The following KLF7 variants were observed in gnomAD, a reference collection of about 807,000 sequenced individuals.
KLF7 encodes Krueppel-like factor 7.
Under a neutral mutation model 27.3 loss-of-function variants are expected in KLF7, and 2 were observed. The ratio of observed to expected loss-of-function variants is 0.07; its 90% confidence interval spans 0.03 to 0.23. The LOEUF is 0.23. Among genes scored for constraint, KLF7 ranks in the 10% least tolerant of loss-of-function variants. The pLI is 1.00. For synonymous variants in KLF7, 165 were observed against 162.4 expected, an observed-to-expected ratio of 1.02 and a Z score of -0.12; for missense variants, 221 against 394.1, an observed-to-expected ratio of 0.56 and a Z score of 3.72.
rs59847589 is a variant in KLF7, at chr2:207,081,061, ATG to A, written c.*150_*151del. The A allele has an allele frequency of 0.013, 8,075 of 641,436 alleles. 2 individuals are homozygous for A. Among genetic ancestry groups the A allele is most frequent in the East Asian group, 0.037 (1,168 of 31,986 alleles). 39.7% of individuals were successfully genotyped at this position (641,436 alleles called of 1,614,324 possible). ...TGTGTGGGTCTGTGAGTGTGTGTAT[ATG>A]TGTGTGTGTGTGTGTGTGTGTACAG... On this transcript the variant is annotated 3_prime_UTR_variant, in exon 4 of 4. Transcript: ENST00000309446.
intron 1 of KLF7, among the ~76,000 whole-genome samples, chr2:207,129,309 C>T (rs745950904): frequency 9.2e-5 from 14 of 152,204 alleles, no homozygotes; most frequent in Non-Finnish European, 1.6e-4. Context: ...GCACTCACCT[C>T]GGAGGTACAA....
At chr2:207,103,695 T>A (rs2076817651) in intron 2 of KLF7, among the ~76,000 whole-genome samples, 1 of 152,196 alleles carries the variant, frequency 6.6e-6, no homozygotes, top group Non-Finnish European at 1.5e-5. Flanking sequence ...TGTTACCACT[T>A]ATGATGTGCC....
chr2:207,095,545 T>C (rs1416675971), intron 2 of KLF7, among the ~76,000 whole-genome samples: 1 of 152,184 alleles, frequency 6.6e-6, no homozygotes, highest in African/African-American at 2.4e-5. Context: ...TGACAACAAT[T>C]GTGTTTGTGT....
Position 207,124,126 on chromosome 2 carries a change from C to A in KLF7, c.381G>T (p.Gln127His). Residue 127 changes from glutamine to histidine, a missense_variant, in exon 2 of 4, where the codon CAG (glutamine) becomes CAT (histidine). Transcript: ENST00000309446. ...SSLDSYTAVN[Q>H]AQLNAVTSLT... is the part of the protein sequence containing the mutation. ...ATGAGGTCACTGCGTTGAGCTGGGC[C>A]TGGTTGACGGCTGTGTAGCTGTCTA... is the stretch of plus-strand genomic sequence containing the variant. 6.2e-7 allele frequency: 1 copy of A among 1,614,182 alleles called. No homozygotes were observed. Among genetic ancestry groups the A allele is most frequent in the Non-Finnish European group, 8.5e-7 (1 of 1,180,030 alleles).
chr2:207,099,418 C>T (rs889247257), intron 2 of KLF7, among the ~76,000 whole-genome samples: 1 of 151,784 alleles, frequency 6.6e-6, no homozygotes. Flanking sequence ...TGGTACGTAT[C>T]ACATTAGTTG....
chr2:207,134,281 C>T (rs1170514408), intron 1 of KLF7: 2 of 606,376 alleles, frequency 3.3e-6, no homozygotes, highest in African/African-American at 3.7e-5. Flanking sequence ...CACACAGACA[C>T]ATACGATTAC....
At chr2:207,154,701 T>C (rs1354576133) in intron 1 of KLF7, among the ~76,000 whole-genome samples, 1 of 152,170 alleles carries the variant, frequency 6.6e-6, no homozygotes, top group Non-Finnish European at 1.5e-5. Flanking sequence ...AGAGCATTTG[T>C]TGAGTGGATG....
intron 1 of KLF7, among the ~76,000 whole-genome samples, chr2:207,157,946 G>A (rs1168336712): frequency 6.6e-6 from 1 of 152,176 alleles, no homozygotes; most frequent in Non-Finnish European, 1.5e-5. Context: ...TGAGTTAGGG[G>A]TTTAGGACAT....
chr2:207,121,542 G>C (rs756053758), intron 2 of KLF7: 2 of 152,192 alleles, frequency 1.3e-5, no homozygotes, highest in Non-Finnish European at 2.9e-5. Context: ...TCTAGGAAGC[G>C]ACAGTGCGAG....
intron 2 of KLF7, chr2:207,122,121 A>G (rs1489246122): frequency 6.6e-6 from 1 of 152,254 alleles, no homozygotes; most frequent in Admixed American, 6.5e-5. Flanking sequence ...AAGAAGTATC[A>G]ATAAAAACTA....
chr2:207,093,773 G>C (rs577365510), intron 2 of KLF7, among the ~76,000 whole-genome samples: 4 of 152,356 alleles, frequency 2.6e-5, no homozygotes, highest in South Asian at 4.1e-4. Context: ...AATACACCTA[G>C]AGGGGCAGAA....
chr2:207,095,563 A>G (rs1001825662), intron 2 of KLF7, among the ~76,000 whole-genome samples: 1 of 152,364 alleles, frequency 6.6e-6, no homozygotes, highest in Admixed American at 6.5e-5. Context: ...TGTTCAATAT[A>G]GTAGCCAGTA....
intron 1 of KLF7, among the ~76,000 whole-genome samples, chr2:207,161,523 T>C (rs1296518403): frequency 6.6e-6 from 1 of 152,196 alleles, no homozygotes; most frequent in Non-Finnish European, 1.5e-5. Flanking sequence ...TTTGCTTTGT[T>C]TTCCTGGCTG....
At chr2:207,098,667 C>T (rs1015186414) in intron 2 of KLF7, among the ~76,000 whole-genome samples, 2 of 151,946 alleles carry the variant, frequency 1.3e-5, no homozygotes, top group South Asian at 4.2e-4. Context: ...CACTCTGTTG[C>T]CCAGACTGGA....
chr2:207,137,855 G>A (rs2077831762), intron 1 of KLF7, among the ~76,000 whole-genome samples: 1 of 152,186 alleles, frequency 6.6e-6, no homozygotes, highest in East Asian at 1.9e-4. Context: ...GGGGAAAGAT[G>A]AGGGAGAGGG....
At chr2:207,098,367 T>G (rs2105899838) in intron 2 of KLF7, among the ~76,000 whole-genome samples, 1 of 152,340 alleles carries the variant, frequency 6.6e-6, no homozygotes. Context: ...CCTTTCAAGA[T>G]GACAACTACA....
At chr2:207,095,249 C>T (rs1382064070) in intron 2 of KLF7, among the ~76,000 whole-genome samples, 1 of 151,980 alleles carries the variant, frequency 6.6e-6, no homozygotes, top group African/African-American at 2.4e-5. Flanking sequence ...AGGGTTTCAC[C>T]GTGGTAGCCA....
At position 207,162,777 on chromosome 2, in the gene KLF7, A is replaced by G. The variant is rs903029159; in HGVS notation, c.102+2690T>C. ...TGTTCTTGAGTTTATCATCGAAGCC[A>G]CTCTTTCTCTAGAAACCAAGTCAGA... On this transcript the variant is annotated intron_variant, in intron 1 of 3. Transcript: ENST00000309446. 3.9e-5 allele frequency among the ~76,000 whole-genome samples: 6 copies of G among 152,230 alleles called. 1 individual carries two copies. The South Asian group carries it at 1.0e-3, about 26-fold the overall frequency.
chr2:207,134,085 G>A, intron 1 of KLF7: 2 of 1,533,762 alleles, frequency 1.3e-6, no homozygotes, highest in South Asian at 2.4e-5. Context: ...ACGGGAACAT[G>A]CCGAACCAGT....
Sources: allele counts gnomAD v4.1 joint callset (sites outside exome capture counted in the v4.1 genomes callset), GRCh38; gene constraint gnomAD v4.1.1; transcripts MANE v1.5; gene names NCBI Gene and HGNC (gene_info 2026-07-23, HGNC 2026-07-21).